IPO13: variants seen among roughly 807,000 people sequenced by gnomAD.
IPO13 encodes importin-13.
IPO13 carries 28 observed loss-of-function variants against 115.5 expected under a neutral mutation model. That is an observed-to-expected ratio of 0.24 (90% CI 0.18 to 0.33). IPO13 has a LOEUF of 0.33. Ranked by LOEUF, IPO13 falls within the 10% of genes least tolerant of loss-of-function variation. The pLI, the probability that IPO13 is intolerant of heterozygous loss-of-function variation, is 1.00. For missense variants in IPO13, 785 were observed against 1,204.6 expected (o/e 0.65, Z 5.16); for synonymous variants, 414 against 478.9 (o/e 0.86, Z 1.77).
At chr1:43,951,231 G>C (rs1469059980) in intron 2 of IPO13, among the ~76,000 whole-genome samples, 1 of 152,244 alleles carries the variant, frequency 6.6e-6, no homozygotes, top group Non-Finnish European at 1.5e-5. Context: ...TGGGAGCACA[G>C]AGACAAATGC....
chr1:43,966,113 G>A lies in IPO13; in HGVS notation c.2398-462G>A, dbSNP rs556497730. On this transcript the variant is annotated intron_variant, in intron 15 of 19. Transcript: ENST00000372343. This position sits in a 1 kb window ranked among gnomAD's most constrained non-coding sequence, Gnocchi z 4.1. The stretch of plus-strand genomic sequence containing the variant: ...AGCTGGAGGGTGCCTCAGGAATACA[G>A]GAGGGACATGGGAGGAGGGCTGTTG... 8.3e-5 allele frequency: 19 copies of A among 229,734 alleles called. 1 individual carries two copies. The East Asian group carries it at 2.0e-3, about 24-fold the overall frequency. The allele number at this position is 229,734 out of a possible 1,614,324, so 14.2% of individuals were successfully genotyped here.
chr1:43,963,074 C>G (rs1370307864), intron 14 of IPO13, among the ~76,000 whole-genome samples: 3 of 152,348 alleles, frequency 2.0e-5, no homozygotes, highest in African/African-American at 2.4e-5. Context: ...TTAAATAACT[C>G]AGGGTTCAGA....
At position 43,958,874 on chromosome 1, in the gene IPO13, A is replaced by T; in HGVS notation, c.2013A>T (p.Pro671=). Residue 671 remains proline (P), a synonymous_variant, in exon 11 of 20, where the codon CCA becomes CCT. Coordinates refer to ENST00000372343, the MANE Select transcript of IPO13 (RefSeq NM_014652.4). The surrounding 1 kb of genome is among the most constrained non-coding windows in gnomAD (Gnocchi z 6.3). ...EGPELRKLPV[P]QGPNPVVVVL... ...CTGAGCTTCGGAAGCTGCCAGTGCC[A>T]CAGGGACCCAACCCCGTGGGTGACA... 1 of 1,614,110 alleles carries T rather than the reference A, an allele frequency of 6.2e-7. No individual in the cohort carries two copies. The highest frequency in any genetic ancestry group is 8.5e-7 in the Non-Finnish European group (1 of 1,180,010).
rs117692141 is a variant in IPO13, at chr1:43,961,208, A to G, written c.2290A>G (p.Ile764Val). 6.2e-4 allele frequency: 1,008 copies of G among 1,613,852 alleles called. 2 individuals carry two copies. Among genetic ancestry groups the G allele is most frequent in the Non-Finnish European group, 7.9e-4 (931 of 1,179,988 alleles). The change falls in exon 14 of 20, where the codon ATT becomes GTT. Residue 764 changes from isoleucine (I) to valine (V), a missense_variant. Physicochemically the swap from Ile to Val is conservative, Grantham distance 29. Transcript: ENST00000372343. The stretch of plus-strand genomic sequence containing the variant: ...TCATGAGCCTGCCCACTTTCCCCCA[A>G]TTGAGGCCCTCTTCCTGCTCGTCAC... ...FAHEPAHFPP[I>V]EALFLLVTSV...
At position 43,960,982 on chromosome 1, in the gene IPO13, C is replaced by T; in HGVS notation, c.2216C>T (p.Pro739Leu). Reference protein sequence around the residue: ...EMLGRMYSTIPQASALDLTRQ... With the variant: ...EMLGRMYSTILQASALDLTRQ... ...CTGGGTCGGATGTACAGCACCATCCCCCAGGCCTCTGCTCTTGACCTCACT... is the reference window on the plus strand; with the variant it reads ...CTGGGTCGGATGTACAGCACCATCCTCCAGGCCTCTGCTCTTGACCTCACT... Residue 739 changes from proline (P) to leucine (L), a missense_variant, in exon 13 of 20, where the codon CCC becomes CTC. By Grantham distance (98) the Pro-to-Leu change is moderately conservative. Around this residue, in one of 3 missense-constraint regions of IPO13, gnomAD observed 285 missense variants for 394.8 expected, o/e 0.72. Coordinates refer to ENST00000372343, the MANE Select transcript of IPO13 (RefSeq NM_014652.4). 6.2e-7 allele frequency: 1 copy of T among 1,614,224 alleles called. No homozygotes were observed. Among genetic ancestry groups the T allele is most frequent in the East Asian group, 2.2e-5 (1 of 44,892 alleles).
Position 43,949,998 on chromosome 1 carries a change from G to A in IPO13, c.666G>A (p.Val222=), listed in dbSNP as rs971420267. Residue 222 remains valine (V), a synonymous_variant, in exon 2 of 20, where the codon GTG becomes GTA. Transcript: ENST00000372343. ...PSSPSCVRQK[V]LKCFSSWVQL... is the part of the protein sequence containing the mutation. ...CACCCAGCTGTGTGCGTCAGAAGGT[G>A]CTCAAGTGTTTCTCCAGCTGGGTGC... is the stretch of plus-strand genomic sequence containing the variant. 6 of 1,613,012 alleles carry A rather than the reference G, an allele frequency of 3.7e-6. No individual in the cohort carries two copies. The highest frequency in any genetic ancestry group is 5.1e-6 in the Non-Finnish European group (6 of 1,179,828).
At position 43,966,493 on chromosome 1, in the gene IPO13, T is replaced by G. The variant is rs2085325468; in HGVS notation, c.2398-82T>G. On this transcript the variant is annotated intron_variant, in intron 15 of 19. Transcript: ENST00000372343. This position sits in a 1 kb window ranked among gnomAD's most constrained non-coding sequence, Gnocchi z 4.1. ...AGCCTCTACCTGTGAGGTGTGAAGTTGGGGGCTGGGGTGGCAGGTGAGTGG... is the reference window on the plus strand; with the variant it reads ...AGCCTCTACCTGTGAGGTGTGAAGTGGGGGGCTGGGGTGGCAGGTGAGTGG... The G allele has an allele frequency of 7.0e-7, 1 of 1,422,300 alleles. No homozygotes were observed. Among genetic ancestry groups the G allele is most frequent in the Non-Finnish European group, 9.9e-7 (1 of 1,012,770 alleles). 88.1% of individuals were successfully genotyped at this position (1,422,300 alleles called of 1,614,324 possible).
At chr1:43,954,051 G>A (rs1419986078) in intron 2 of IPO13, among the ~76,000 whole-genome samples, 7 of 152,194 alleles carry the variant, frequency 4.6e-5, no homozygotes, top group African/African-American at 9.7e-5. Context: ...AACATTTGCC[G>A]AGTACCCTGC....
At position 43,967,049 on chromosome 1, in the gene IPO13, G is replaced by A. The variant is rs2085330912; in HGVS notation, c.2613+30G>A. 2 of 1,596,614 alleles carry A rather than the reference G, an allele frequency of 1.3e-6. No homozygotes were observed. The highest frequency in any genetic ancestry group is 2.7e-5 in the African/African-American group (2 of 74,490). ...GACGGAGCAAAGGGGGGTTTGATGG[G>A]GGTGAGGGCCCCTCACTGCTGAGGC... On this transcript the variant is annotated intron_variant, in intron 18 of 19. Transcript: ENST00000372343. The surrounding 1 kb of genome is among the most constrained non-coding windows in gnomAD (Gnocchi z 6.1).
Position 43,967,671 on chromosome 1 carries a change from G to A in IPO13, c.2881G>A (p.Ala961Thr), listed in dbSNP as rs1360498397. ...GGGTCTCCATGGCACAGATTACACA[G>A]CTGACTACTGAGGGGTGCCCCCATC... ...CRGLHGTDYT[A>T]DY Residue 961 changes from alanine (A) to threonine (T), a missense_variant, in exon 20 of 20, where the codon GCT becomes ACT. By Grantham distance (58) the Ala-to-Thr change is moderately conservative. This residue lies in a region of IPO13 where 285 missense variants were observed against 394.8 expected (regional missense o/e 0.72). Transcript: ENST00000372343. The surrounding 1 kb of genome is among the most constrained non-coding windows in gnomAD (Gnocchi z 6.1). The A allele has an allele frequency of 1.9e-6, 3 of 1,614,004 alleles. No individual in the cohort carries two copies. In the Admixed American group the frequency reaches 5.0e-5, roughly 27 times the overall value.
chr1:43,960,111 G>T (rs760012443), intron 11 of IPO13, 138 bp from the exon 12 acceptor site: 3 of 724,914 alleles, frequency 4.1e-6, no homozygotes, highest in Admixed American at 4.2e-5. Context: ...TCCCCCAGGG[G>T]TCCCATGCCC....
In IPO13 at chr1:43,967,198, C is replaced by A; in HGVS notation, c.2614-117C>A. The stretch of plus-strand genomic sequence containing the variant: ...GGATCAGCTGGCTCTCAAAAAGCAG[C>A]GCTCACTGTGATGTGCAGTTTGGCT... On this transcript the variant is annotated intron_variant, in intron 18 of 19. Transcript: ENST00000372343. The surrounding 1 kb of genome is among the most constrained non-coding windows in gnomAD (Gnocchi z 6.1). 3.3e-6 allele frequency: 4 copies of A among 1,196,832 alleles called. No homozygotes were observed. The highest frequency in any genetic ancestry group is 4.9e-6 in the Non-Finnish European group (4 of 822,838). 74.1% of individuals were successfully genotyped at this position (1,196,832 alleles called of 1,614,324 possible).
chr1:43,964,192 C>G (rs2085307501), intron 14 of IPO13, 77 bp from the exon 15 acceptor site: 4 of 975,202 alleles, frequency 4.1e-6, no homozygotes, highest in Non-Finnish European at 6.5e-6. Flanking sequence ...TGCAGGCTCT[C>G]AGTCCCACAT....
At position 43,967,285 on chromosome 1, in the gene IPO13, C is replaced by T; in HGVS notation, c.2614-30C>T. 6.2e-7 allele frequency: 1 copy of T among 1,604,172 alleles called. No individual in the cohort carries two copies. The highest frequency in any genetic ancestry group is 8.5e-7 in the Non-Finnish European group (1 of 1,172,686). On this transcript the variant is annotated intron_variant, in intron 18 of 19. Transcript: ENST00000372343. This position sits in a 1 kb window ranked among gnomAD's most constrained non-coding sequence, Gnocchi z 6.1. Reference sequence around the variant, plus strand: ...GCAGAAGCGGCGGAAGGGGCAACACCCTGGTGTGCTGAGAACCCCTCTCCC... The same window carrying T: ...GCAGAAGCGGCGGAAGGGGCAACACTCTGGTGTGCTGAGAACCCCTCTCCC...
Position 43,949,568 on chromosome 1 carries a change from C to T in IPO13, c.236C>T (p.Ala79Val). 5 of 1,614,192 alleles carry T rather than the reference C, an allele frequency of 3.1e-6. No homozygotes were observed. The highest frequency in any genetic ancestry group is 4.2e-6 in the Non-Finnish European group (5 of 1,180,026). Residue 79 changes from alanine to valine, a missense_variant, in exon 2 of 20, where the codon GCC (alanine) becomes GTC (valine). Physicochemically the swap from Ala to Val is moderately conservative, Grantham distance 64 (BLOSUM62 0). Coordinates refer to ENST00000372343, the MANE Select transcript of IPO13 (RefSeq NM_014652.4). ...DKVPEIQYFG[A>V]SALHIKISRY... ...GTACCAGAGATCCAGTACTTTGGGG[C>T]CAGTGCTCTTCACATCAAGATCTCT... is the stretch of plus-strand genomic sequence containing the variant.
In IPO13 at chr1:43,957,235, T is replaced by C. The variant is rs201189978; in HGVS notation, c.1312T>C (p.Leu438=). 40 of 1,613,948 alleles carry C rather than the reference T, an allele frequency of 2.5e-5. No individual in the cohort carries two copies. Among genetic ancestry groups the C allele is most frequent in the Non-Finnish European group, 3.1e-5 (36 of 1,179,994 alleles). Residue 438 remains leucine, a synonymous_variant, in exon 6 of 20, where the codon TTG becomes CTG. Transcript: ENST00000372343. ...CACGCTCATGTATGTCTATGAGATG[T>C]TGGGGGCCGAGCTGCTCAGCAACCT... ...SDTLMYVYEM[L]GAELLSNLYD...
Position 43,967,234 on chromosome 1 carries a change from C to A in IPO13, c.2614-81C>A. On this transcript the variant is annotated intron_variant, in intron 18 of 19. Transcript: ENST00000372343. This position sits in a 1 kb window ranked among gnomAD's most constrained non-coding sequence, Gnocchi z 6.1. ...ATGTGCAGTTTGGCTTAGGAACTGT[C>A]CAGAGGGCAGTTAGGCATTCTTGCT... is the stretch of plus-strand genomic sequence containing the variant. 6.8e-7 allele frequency: 1 copy of A among 1,473,314 alleles called. No individual in the cohort carries two copies. The allele number at this position is 1,473,314 out of a possible 1,614,324, so 91.3% of individuals were successfully genotyped here. A position where few individuals can be genotyped will look rare whatever the true frequency, so the allele number is the denominator to read the frequency against.
At position 43,949,254 on chromosome 1, in the gene IPO13, A is replaced by G. The variant is rs1029173312; in HGVS notation, c.85-163A>G. ...AGGTTCAGGCTCTCAAGATATCAGC[A>G]GGACCCCAGGCCCAGGAAACACTGC... On this transcript the variant is annotated intron_variant, in intron 1 of 19. Transcript: ENST00000372343. 47 of 656,582 alleles carry G rather than the reference A, an allele frequency of 7.2e-5. 1 individual carries two copies. The African/African-American group carries it at 7.7e-4, about 11-fold the overall frequency. 40.7% of individuals were successfully genotyped at this position (656,582 alleles called of 1,614,324 possible).
At chr1:43,960,743 C>T in intron 12 of IPO13, 133 bp from the exon 13 acceptor site, 1 of 1,198,530 alleles carries the variant, frequency 8.3e-7, no homozygotes, top group Non-Finnish European at 1.2e-6. Context: ...GACTTGCTTA[C>T]CTTCCTTGGT....
Sources: allele counts gnomAD v4.1 joint callset (sites outside exome capture counted in the v4.1 genomes callset), GRCh38; gene constraint gnomAD v4.1.1; regional missense constraint gnomAD v4.1.1; non-coding constraint Gnocchi (gnomAD v3.1); transcripts MANE v1.5; gene names NCBI Gene and HGNC (gene_info 2026-07-23, HGNC 2026-07-21).